LRRC37A2: variants seen among roughly 807,000 people sequenced by gnomAD.
The protein encoded by LRRC37A2 is leucine-rich repeat-containing protein 37A2.
In LRRC37A2, 9 loss-of-function variants were observed where a neutral mutation model predicts 68.8. The observed-to-expected ratio is 0.13, with a 90% confidence interval of 0.08 to 0.23. The LOEUF (loss-of-function observed/expected upper bound fraction) is 0.23, where lower values mean the gene tolerates loss of function less well. Among genes scored for constraint, LRRC37A2 ranks in the 10% least tolerant of loss-of-function variants. LRRC37A2 has a pLI of 1.00. For missense variants in LRRC37A2, 168 were observed against 950.4 expected (o/e 0.18, Z 10.82); for synonymous variants, 63 against 367.6 (o/e 0.17, Z 9.48).
the LRRC37A2 span, among the ~76,000 whole-genome samples, chr17:46,808,618 GCA>G: frequency 6.6e-6 from 1 of 152,170 alleles, no homozygotes; most frequent in Non-Finnish European, 1.5e-5. Context: ...CATGATGTCT[GCA>G]TGGGGATCAG....
the LRRC37A2 span, among the ~76,000 whole-genome samples, chr17:46,496,644 G>A: frequency 7.6e-6 from 1 of 131,676 alleles, no homozygotes; most frequent in South Asian, 2.6e-4. Flanking sequence ...GCCTGGTGCA[G>A]TGGCTCATGC....
At chr17:46,764,902 C>G in the LRRC37A2 span, among the ~76,000 whole-genome samples, 1 of 152,232 alleles carries the variant, frequency 6.6e-6, no homozygotes, top group South Asian at 2.1e-4. Flanking sequence ...CAACAGGAAG[C>G]CCAGGAGCAG....
At chr17:46,610,053 T>C in the LRRC37A2 span, among the ~76,000 whole-genome samples, 5 of 137,900 alleles carry the variant, frequency 3.6e-5, no homozygotes, top group East Asian at 3.9e-4. Flanking sequence ...CTTTCTTTCT[T>C]TCTTTCTTTC....
At chr17:47,001,216 A>G in the LRRC37A2 span, among the ~76,000 whole-genome samples, 1 of 152,136 alleles carries the variant, frequency 6.6e-6, no homozygotes, top group African/African-American at 2.4e-5. Flanking sequence ...TGGGGGTATT[A>G]ATGTCCACCT....
At chr17:46,958,467 G>A in the LRRC37A2 span, among the ~76,000 whole-genome samples, 4 of 152,178 alleles carry the variant, frequency 2.6e-5, no homozygotes, top group African/African-American at 9.7e-5. Flanking sequence ...AAGTGCTGAC[G>A]GCAGGAAGCA....
At chr17:46,765,310 G>A in the LRRC37A2 span, among the ~76,000 whole-genome samples, 1 of 151,728 alleles carries the variant, frequency 6.6e-6, no homozygotes, top group Non-Finnish European at 1.5e-5. Context: ...CAGGCCACTC[G>A]ACTCTTGCCA....
At chr17:46,904,916 C>T in the LRRC37A2 span, among the ~76,000 whole-genome samples, 117 of 152,190 alleles carry the variant, frequency 7.7e-4, no homozygotes, top group Non-Finnish European at 8.7e-4. Flanking sequence ...GGGGCCCCTC[C>T]CGGGTCTCTG....
chr17:46,950,817 CAG>C, the LRRC37A2 span, among the ~76,000 whole-genome samples: 1 of 152,170 alleles, frequency 6.6e-6, no homozygotes, highest in African/African-American at 2.4e-5. Context: ...AATCCCAGAA[CAG>C]AGGAAAAGCG....
the LRRC37A2 span, chr17:47,008,013 T>C: frequency 3.3e-5 from 5 of 152,222 alleles, no homozygotes; most frequent in Admixed American, 6.5e-5. Flanking sequence ...CATTGAATGC[T>C]AGAATTATGA....
At chr17:46,866,561 C>A in the LRRC37A2 span, among the ~76,000 whole-genome samples, 1 of 152,040 alleles carries the variant, frequency 6.6e-6, no homozygotes, top group Admixed American at 6.6e-5. Context: ...GGCGCACTCA[C>A]CATGCAAATG....
chr17:46,844,891 G>A, the LRRC37A2 span, among the ~76,000 whole-genome samples: 8 of 151,484 alleles, frequency 5.3e-5, no homozygotes, highest in African/African-American at 1.9e-4. Context: ...TGTTGCCCCA[G>A]GGCTGGAGTG....
chr17:47,026,182 T>G, the LRRC37A2 span, among the ~76,000 whole-genome samples: 1 of 152,212 alleles, frequency 6.6e-6, no homozygotes, highest in Non-Finnish European at 1.5e-5. Flanking sequence ...TGAAGGGCCA[T>G]TGTGTAACAT....
chr17:47,036,307 G>T, the LRRC37A2 span, among the ~76,000 whole-genome samples: 1 of 151,840 alleles, frequency 6.6e-6, no homozygotes, highest in Non-Finnish European at 1.5e-5. Flanking sequence ...TGACATTCTT[G>T]TCACCATGTC....
the LRRC37A2 span, among the ~76,000 whole-genome samples, chr17:46,889,040 T>C: frequency 1.3e-5 from 2 of 152,106 alleles, no homozygotes; most frequent in African/African-American, 4.8e-5. Context: ...TAAAATTTCC[T>C]CTGCTTGCCT....
At chr17:46,816,221 C>G in the LRRC37A2 span, among the ~76,000 whole-genome samples, 1 of 151,772 alleles carries the variant, frequency 6.6e-6, no homozygotes, top group Non-Finnish European at 1.5e-5. Context: ...AGGCTCTGAC[C>G]TTTACATGGG....
At chr17:46,429,283 AATAG>A in the LRRC37A2 span, among the ~76,000 whole-genome samples, 1 of 122,050 alleles carries the variant, frequency 8.2e-6, no homozygotes, top group Non-Finnish European at 1.7e-5. Context: ...GTAAATACCA[AATAG>A]ATATTTAGTT....
chr17:46,775,528 T>C, the LRRC37A2 span, among the ~76,000 whole-genome samples: 3 of 152,130 alleles, frequency 2.0e-5, no homozygotes, highest in African/African-American at 2.4e-5. Context: ...ATCTGGGAGT[T>C]TGGATGGTAA....
chr17:46,818,388 G>T, the LRRC37A2 span: 2 of 842,356 alleles, frequency 2.4e-6, no homozygotes, highest in Non-Finnish European at 3.8e-6. Flanking sequence ...AGGGGTGGGC[G>T]GGTGGGGGGC....
At chr17:46,712,575 A>G in the LRRC37A2 span, among the ~76,000 whole-genome samples, 19 of 152,362 alleles carry the variant, frequency 1.2e-4, no homozygotes, top group African/African-American at 2.2e-4. Flanking sequence ...AGGGTCATAT[A>G]GGAGAAGTAA....
Sources: gnomAD v4.1 joint callset for allele counts (sites outside exome capture counted in the v4.1 genomes callset) on GRCh38, gnomAD v4.1.1 for gene constraint, MANE v1.5 for transcripts, NCBI Gene and HGNC (gene_info 2026-07-23, HGNC 2026-07-21) for gene names.